Variants in TAPT1 observed in about 807,000 individuals in gnomAD.
The protein encoded by TAPT1 is transmembrane anterior posterior transformation protein 1 homolog.
Under a neutral mutation model 65.6 loss-of-function variants are expected in TAPT1, and 28 were observed. That is an observed-to-expected ratio of 0.43 (90% CI 0.32 to 0.59). The LOEUF (loss-of-function observed/expected upper bound fraction) is 0.59. Ranked by LOEUF, TAPT1 falls within the 20% of genes least tolerant of loss-of-function variation. The pLI is 0.09. For missense variants in TAPT1, 563 were observed against 679.9 expected (o/e 0.83, Z 1.91); for synonymous variants, 278 against 245.2 (o/e 1.13, Z -1.25).
At chr4:16,226,939 C>A, upstream of TAPT1, 1 of 395,618 alleles carries the variant, frequency 2.5e-6, no homozygotes. Context: ...TTTGCAGACT[C>A]GGTGCCCGGA....
chr4:16,199,270 TAGTA>T, intron 3 of TAPT1, among the ~76,000 whole-genome samples: 2 of 152,268 alleles, frequency 1.3e-5, no homozygotes, highest in East Asian at 3.9e-4. Context: ...AAAGCAGAAA[TAGTA>T]AGAAGTGTTT....
intron 2 of TAPT1, among the ~76,000 whole-genome samples, chr4:16,206,931 T>C (rs1335277474): frequency 6.6e-6 from 1 of 152,086 alleles, no homozygotes; most frequent in Non-Finnish European, 1.5e-5. Context: ...CTGAGAAAAT[T>C]AAGAATGGTA....
rs1364609968 is a variant in TAPT1, at chr4:16,160,683, T to C, written c.*2625A>G. On this transcript the variant is annotated 3_prime_UTR_variant, in exon 14 of 14. Transcript: ENST00000405303. ...ACCACTTAGAACAGTTTCTGACACA[T>C]AGGAAGTGATTAACAAATCTTTGTT... The C allele has an allele frequency of 6.6e-6, 1 of 152,192 alleles. No individual in the cohort carries two copies. The highest frequency in any genetic ancestry group is 2.4e-5 in the African/African-American group (1 of 41,444). The allele number at this position is 152,192 out of a possible 1,614,324, so 9.4% of individuals were successfully genotyped here.
intron 12 of TAPT1, among the ~76,000 whole-genome samples, chr4:16,170,274 C>T (rs900802583): frequency 6.6e-6 from 1 of 152,146 alleles, no homozygotes; most frequent in Non-Finnish European, 1.5e-5. Flanking sequence ...TTACGTGATG[C>T]CTGCCTACAG....
intron 2 of TAPT1, among the ~76,000 whole-genome samples, chr4:16,212,818 CT>C (rs1333448657): frequency 6.6e-6 from 1 of 152,342 alleles, no homozygotes; most frequent in Admixed American, 6.5e-5. Context: ...CACCAAGAAC[CT>C]ACATAAAGCA....
At chr4:16,193,952 G>C (rs192107992) in intron 3 of TAPT1, among the ~76,000 whole-genome samples, 30 of 152,324 alleles carry the variant, frequency 2.0e-4, no homozygotes, top group Admixed American at 1.4e-3. Context: ...ACTATACTTA[G>C]AGCTTTTCGT....
chr4:16,213,351 T>G (rs373791026), intron 2 of TAPT1, among the ~76,000 whole-genome samples: 3 of 151,722 alleles, frequency 2.0e-5, no homozygotes, highest in Non-Finnish European at 4.4e-5. Context: ...GTCCTGTATG[T>G]TTATAAACAT....
intron 3 of TAPT1, among the ~76,000 whole-genome samples, chr4:16,199,853 G>C (rs1749929440): frequency 6.6e-6 from 1 of 152,096 alleles, no homozygotes; most frequent in African/African-American, 2.4e-5. Context: ...GCCTCCCAAA[G>C]TTCTAAGATG....
rs1431371808 is a variant in TAPT1, at chr4:16,170,676, G to C, written c.1290C>G (p.Ala430=). The change falls in exon 12 of 14, where the codon GCC becomes GCG. Residue 430 remains alanine (A), a synonymous_variant. Transcript: ENST00000405303. ...ACCCAAAATAGAAGAGTATGACACA[G>C]GCATAAGACAGGATTCCTTGCACTT... The part of the protein sequence containing the change: ...SIKVQGILSY[A]CVILFYFGLI... The C allele has an allele frequency of 6.2e-7, 1 of 1,613,384 alleles. No homozygotes were observed. The highest frequency in any genetic ancestry group is 8.5e-7 in the Non-Finnish European group (1 of 1,179,494).
At chr4:16,199,916 A>ATGTG (rs1480009549) in intron 3 of TAPT1, among the ~76,000 whole-genome samples, 2 of 152,112 alleles carry the variant, frequency 1.3e-5, no homozygotes, top group African/African-American at 4.8e-5. Flanking sequence ...ATGCTATTTT[A>ATGTG]TGTGCCCTGT....
At position 16,208,458 on chromosome 4, in the gene TAPT1, C is replaced by T. The variant is rs549681047; in HGVS notation, c.330+5310G>A. ...ACAGAAGTGGAAGTATTCCAGGCCA[C>T]GTCTGGGAAATCTTTCAATCTTTAT... On this transcript the variant is annotated intron_variant, in intron 2 of 13. Transcript: ENST00000405303. 2.0e-3 allele frequency among the ~76,000 whole-genome samples: 310 copies of T among 152,248 alleles called. 2 individuals carry two copies. Among genetic ancestry groups the T allele is most frequent in the Middle Eastern group, 0.01 (3 of 294 alleles).
At position 16,202,474 on chromosome 4, in the gene TAPT1, C is replaced by G. The variant is rs779096019; in HGVS notation, c.437G>C (p.Cys146Ser). ...ATCTTAAACTTACCTTAAGCCATAGCAAGGCAAAGTGAGGAGCCTGAATAG... is the reference window on the plus strand; with the variant it reads ...ATCTTAAACTTACCTTAAGCCATAGGAAGGCAAAGTGAGGAGCCTGAATAG... Reference protein sequence around the residue: ...LALFRLLTLPCYGLRDRRLLQ... With the variant: ...LALFRLLTLPSYGLRDRRLLQ... Residue 146 changes from cysteine to serine, a missense_variant, in exon 3 of 14, where the codon TGC becomes TCC. Cys to Ser is a moderately radical substitution (Grantham distance 112, BLOSUM62 -1). This residue lies in a region of TAPT1 where 217 missense variants were observed against 317.5 expected (regional missense o/e 0.68). Transcript: ENST00000405303. The G allele has an allele frequency of 7.1e-6, 11 of 1,544,558 alleles. No homozygotes were observed. The highest frequency in any genetic ancestry group is 9.6e-6 in the Non-Finnish European group (11 of 1,141,418).
At chr4:16,180,355 G>A (rs182263233) in intron 7 of TAPT1, among the ~76,000 whole-genome samples, 111 of 152,328 alleles carry the variant, frequency 7.3e-4, no homozygotes, top group Non-Finnish European at 1.3e-3. Flanking sequence ...AAGATACCGT[G>A]TAACCAAGAA....
At chr4:16,221,970 A>G (rs1751279839) in intron 1 of TAPT1, among the ~76,000 whole-genome samples, 1 of 152,254 alleles carries the variant, frequency 6.6e-6, no homozygotes, top group South Asian at 2.1e-4. Flanking sequence ...AGATGTTTGA[A>G]AAAATGTTTA....
Position 16,188,202 on chromosome 4 carries a change from G to A in TAPT1, c.748+18C>T. The stretch of plus-strand genomic sequence containing the variant: ...ATGCATTAACTGTCGGAAATTTCCA[G>A]TAGGTCTATAAGGATACAGACATAG... On this transcript the variant is annotated intron_variant, in intron 5 of 13. Transcript: ENST00000405303. 3 of 1,570,342 alleles carry A rather than the reference G, an allele frequency of 1.9e-6. No homozygotes were observed. The highest frequency in any genetic ancestry group is 2.6e-6 in the Non-Finnish European group (3 of 1,164,592).
At chr4:16,174,156 T>C (rs1453699619) in intron 11 of TAPT1, 48 bp downstream of exon 11, 2 of 1,341,056 alleles carry the variant, frequency 1.5e-6, no homozygotes, top group East Asian at 2.5e-5. Context: ...TAATATTCTA[T>C]AATGATGGCT....
intron 1 of TAPT1, among the ~76,000 whole-genome samples, chr4:16,218,221 T>C (rs2108895989): frequency 6.6e-6 from 1 of 152,266 alleles, no homozygotes; most frequent in Admixed American, 6.5e-5. Flanking sequence ...CTGTCCAAAA[T>C]GGCGAAACCC....
intron 12 of TAPT1, among the ~76,000 whole-genome samples, chr4:16,168,797 C>G (rs906713255): frequency 6.6e-6 from 1 of 152,226 alleles, no homozygotes; most frequent in Non-Finnish European, 1.5e-5. Context: ...TGGCCAAGCC[C>G]TAGACCAGCC....
chr4:16,183,682 T>G (rs1417230567), intron 7 of TAPT1, among the ~76,000 whole-genome samples: 1 of 151,994 alleles, frequency 6.6e-6, no homozygotes, highest in African/African-American at 2.4e-5. Flanking sequence ...TGAATTAATT[T>G]AAAAAAAACA....
Sources: gnomAD v4.1 joint callset for allele counts (sites outside exome capture counted in the v4.1 genomes callset) on GRCh38, gnomAD v4.1.1 for gene constraint, gnomAD v4.1.1 regional missense constraint, MANE v1.5 for transcripts, NCBI Gene and HGNC (gene_info 2026-07-23, HGNC 2026-07-21) for gene names.